The following NADK variants were observed in gnomAD, a reference collection of about 807,000 sequenced individuals.
NADK encodes poly(P)/ATP NAD kinase.
Under a neutral mutation model 49.8 loss-of-function variants are expected in NADK, and 22 were observed. The ratio of observed to expected loss-of-function variants is 0.44; its 90% CI spans 0.32 to 0.63. The LOEUF is 0.63. NADK is among the 30% of genes least tolerant of loss of function. NADK has a pLI of 0.06. For missense variants in NADK, 438 were observed against 609.4 expected, an observed-to-expected ratio of 0.72 and a Z score of 2.96; for synonymous variants, 268 against 253.7, an observed-to-expected ratio of 1.06 and a Z score of -0.54.
intron 3 of NADK, 46 bp downstream of exon 3, chr1:1,761,906 T>A: frequency 6.4e-7 from 1 of 1,574,596 alleles, no homozygotes; most frequent in African/African-American, 1.3e-5. Context: ...GGTCTAGGGG[T>A]TCTCTCCCTT....
At chr1:1,766,557 A>G (rs1041948303) in intron 1 of NADK, among the ~76,000 whole-genome samples, 7 of 151,854 alleles carry the variant, frequency 4.6e-5, no homozygotes, top group Non-Finnish European at 7.4e-5. Context: ...GAACCAGCAG[A>G]TATGTTGTGA....
intron 10 of NADK, 83 bp from the exon 11 acceptor site, chr1:1,753,732 G>T: frequency 1.6e-6 from 2 of 1,286,244 alleles, no homozygotes; most frequent in Non-Finnish European, 2.2e-6. Flanking sequence ...GCTCGCCAGA[G>T]GTCGAAGGTT....
chr1:1,770,348 T>C (rs1309632849), intron 1 of NADK, among the ~76,000 whole-genome samples: 1 of 152,190 alleles, frequency 6.6e-6, no homozygotes, highest in Non-Finnish European at 1.5e-5. Flanking sequence ...AGGTTTGGCA[T>C]GAAATGTAGG....
chr1:1,772,068 C>T (rs1646068926), intron 1 of NADK, among the ~76,000 whole-genome samples: 1 of 151,992 alleles, frequency 6.6e-6, no homozygotes, highest in African/African-American at 2.4e-5. Flanking sequence ...CTTGGCCTTC[C>T]AAAGTGTTGG....
chr1:1,759,984 G>C (rs547609555), intron 3 of NADK: 7 of 1,450,760 alleles, frequency 4.8e-6, no homozygotes, highest in Middle Eastern at 3.6e-4. Flanking sequence ...AGCAAGCACA[G>C]GATGGCGGGA....
intron 1 of NADK, among the ~76,000 whole-genome samples, chr1:1,767,197 G>GT (rs1484167590): frequency 6.6e-6 from 1 of 152,046 alleles, no homozygotes; most frequent in African/African-American, 2.4e-5. Context: ...GATTACAGGC[G>GT]TAAGCCACCA....
intron 1 of NADK, among the ~76,000 whole-genome samples, chr1:1,775,410 T>C (rs1646183827): frequency 6.6e-6 from 1 of 152,178 alleles, no homozygotes; most frequent in African/African-American, 2.4e-5. Flanking sequence ...GGGAAAAAAC[T>C]TACTGCCCAC....
intron 1 of NADK, among the ~76,000 whole-genome samples, chr1:1,771,047 A>C (rs1361060681): frequency 1.7e-5 from 1 of 60,500 alleles, no homozygotes; most frequent in Admixed American, 3.0e-4. Flanking sequence ...TCTTATAAAA[A>C]AAAAAAAAAT....
chr1:1,761,275 G>C (rs940288023), intron 3 of NADK, among the ~76,000 whole-genome samples: 3 of 152,210 alleles, frequency 2.0e-5, no homozygotes, highest in Non-Finnish European at 4.4e-5. Context: ...ACAGGTGTGA[G>C]CCACCGCAGC....
intron 1 of NADK, among the ~76,000 whole-genome samples, chr1:1,776,339 G>A (rs773224945): frequency 6.6e-6 from 1 of 152,192 alleles, no homozygotes; most frequent in Non-Finnish European, 1.5e-5. Flanking sequence ...AGTCAAACAG[G>A]TTTTTGTGCT....
At chr1:1,768,330 GA>G (rs113115694) in intron 1 of NADK, among the ~76,000 whole-genome samples, 2,378 of 152,182 alleles carry the variant, frequency 0.016, 58 homozygotes, top group African/African-American at 0.054. Flanking sequence ...TTGAGGCCAG[GA>G]GTTCAGGAAC....
chr1:1,769,561 C>A lies in NADK; in HGVS notation c.-40-4115G>T, dbSNP rs537954922. ...GCGAGACTCCGTCTCAAAAAAAAAA[C>A]AAAAAACAAAAAACAAACTAGCCGC... On this transcript the variant is annotated intron_variant, in intron 1 of 11. Transcript: ENST00000341426. Among the ~76,000 whole-genome samples, 8 of 150,576 alleles carry A rather than the reference C, an allele frequency of 5.3e-5. No individual in the cohort carries two copies. In the East Asian group the frequency reaches 1.6e-3, roughly 29 times the overall value.
Position 1,756,493 on chromosome 1 carries a change from G to T in NADK, c.499+10C>A. On this transcript the variant is annotated intron_variant, in intron 5 of 11. Coordinates refer to ENST00000341426, the MANE Select transcript of NADK (RefSeq NM_023018.5). Reference sequence around the variant, plus strand: ...TGGAGAAACCAAGGACAGAGCTGCTGACAGCCCACCTTCTCGAAAGGTACA... The same window carrying T: ...TGGAGAAACCAAGGACAGAGCTGCTTACAGCCCACCTTCTCGAAAGGTACA... 6.2e-7 allele frequency: 1 copy of T among 1,614,002 alleles called. No individual in the cohort carries two copies. Among genetic ancestry groups the T allele is most frequent in the Non-Finnish European group, 8.5e-7 (1 of 1,180,016 alleles).
chr1:1,757,515 C>A (rs1645569094), intron 3 of NADK, among the ~76,000 whole-genome samples: 1 of 152,022 alleles, frequency 6.6e-6, no homozygotes, highest in Non-Finnish European at 1.5e-5. Context: ...GTGACCACCT[C>A]TCACCTGCTT....
chr1:1,754,874 T>C lies in NADK; in HGVS notation c.689-176A>G, dbSNP rs1645461211. The C allele has an allele frequency of 1.6e-6, 1 of 613,402 alleles. No homozygotes were observed. The highest frequency in any genetic ancestry group is 2.7e-6 in the Non-Finnish European group (1 of 363,896). 38.0% of individuals were successfully genotyped at this position (613,402 alleles called of 1,614,324 possible). A position where few individuals can be genotyped will look rare whatever the true frequency, so the allele number is the denominator to read the frequency against. On this transcript the variant is annotated intron_variant, in intron 7 of 11. Transcript: ENST00000341426. The surrounding 1 kb of genome is among the most constrained non-coding windows in gnomAD (Gnocchi z 4.3). ...TCTCACTCTGTCACCCAGGCTGGAATGCAGTGGTGTGATCTTGGCTCACTG... is the reference window on the plus strand; with the variant it reads ...TCTCACTCTGTCACCCAGGCTGGAACGCAGTGGTGTGATCTTGGCTCACTG...
intron 3 of NADK, chr1:1,759,749 G>A: frequency 1.9e-6 from 3 of 1,555,108 alleles, no homozygotes; most frequent in Non-Finnish European, 2.6e-6. Context: ...CCTCCTGCGG[G>A]GCTGTCTGGC....
At chr1:1,761,473 T>C (rs918090146) in intron 3 of NADK, among the ~76,000 whole-genome samples, 1 of 152,250 alleles carries the variant, frequency 6.6e-6, no homozygotes, top group Non-Finnish European at 1.5e-5. Context: ...GATCGATCAC[T>C]GTTGCGTTTT....
chr1:1,754,343 T>C lies in NADK; in HGVS notation c.884A>G (p.Tyr295Cys). The C allele has an allele frequency of 6.2e-7, 1 of 1,613,800 alleles. No individual in the cohort carries two copies. The highest frequency in any genetic ancestry group is 8.5e-7 in the Non-Finnish European group (1 of 1,179,932). Reference protein sequence around the residue: ...EVVIDRGPSSYLSNVDVYLDG... With the variant: ...EVVIDRGPSSCLSNVDVYLDG... The stretch of plus-strand genomic sequence containing the variant: ...CAGGTAGACATCCACATTGGACAGG[T>C]AGGAGGAGGGGCCTCTGTCAATCAC... The change falls in exon 9 of 12, where the codon TAC becomes TGC. Residue 295 changes from tyrosine to cysteine, a missense_variant. Tyr to Cys is a radical substitution (Grantham distance 194). Transcript: ENST00000341426. This position sits in a 1 kb window ranked among gnomAD's most constrained non-coding sequence, Gnocchi z 4.3.
intron 3 of NADK, chr1:1,759,791 C>G: frequency 6.4e-7 from 1 of 1,556,018 alleles, no homozygotes; most frequent in South Asian, 1.2e-5. Context: ...TGAGTACGCC[C>G]TGGTCTGAGG....
Sources: allele counts gnomAD v4.1 joint callset (sites outside exome capture counted in the v4.1 genomes callset), GRCh38; gene constraint gnomAD v4.1.1; non-coding constraint Gnocchi (gnomAD v3.1); transcripts MANE v1.5; gene names NCBI Gene and HGNC (gene_info 2026-07-23, HGNC 2026-07-21).